The following FAF2 variants were observed in gnomAD, a reference collection of about 807,000 sequenced individuals.
FAF2 encodes Fas associated factor family member 2, also known as FAS-associated factor 2.
Under a neutral mutation model 62.3 loss-of-function variants are expected in FAF2, and 9 were observed. The ratio of observed to expected loss-of-function variants is 0.14; its 90% confidence interval spans 0.09 to 0.25. FAF2 has a LOEUF of 0.25. Ranked by LOEUF, FAF2 falls within the 10% of genes least tolerant of loss-of-function variation. FAF2 has a pLI of 1.00. For missense variants in FAF2, 368 were observed against 556.2 expected (o/e 0.66, Z 3.40); for synonymous variants, 202 against 198.0 (o/e 1.02, Z -0.17).
At position 176,507,383 on chromosome 5, in the gene FAF2, T is replaced by TA. The variant is rs1457074237; in HGVS notation, c.*433_*434insA. 2.2e-5 allele frequency: 10 copies of TA among 446,666 alleles called. No individual in the cohort carries two copies. The highest frequency in any genetic ancestry group is 7.2e-5 in the East Asian group (1 of 13,924). 27.7% of individuals were successfully genotyped at this position (446,666 alleles called of 1,614,324 possible). A position where few individuals can be genotyped will look rare whatever the true frequency, so the allele number is the denominator to read the frequency against. Reference sequence around the variant, plus strand: ...GCAGCATCTCCTGAGGACTTGCTTCTCCTGCCTCTGGGGAAGAGAGGGAAG... The same window carrying TA: ...GCAGCATCTCCTGAGGACTTGCTTCTACCTGCCTCTGGGGAAGAGAGGGAAG... On this transcript the variant is annotated 3_prime_UTR_variant, in exon 11 of 11. Transcript: ENST00000261942.
chr5:176,501,877 C>T (rs1410422363), intron 10 of FAF2, among the ~76,000 whole-genome samples: 5 of 152,122 alleles, frequency 3.3e-5, no homozygotes, highest in African/African-American at 1.2e-4. Context: ...CCTCAGCCTC[C>T]CGAGTAGCTG....
At chr5:176,453,657 C>T (rs1758224165) in intron 1 of FAF2, 1 of 152,072 alleles carries the variant, frequency 6.6e-6, no homozygotes, top group African/African-American at 2.4e-5. Context: ...AAAACAAGAG[C>T]TTTGAAAATC....
In FAF2 at chr5:176,507,313, T is replaced by G. The variant is rs1050058199; in HGVS notation, c.*363T>G. On this transcript the variant is annotated 3_prime_UTR_variant, in exon 11 of 11. Coordinates refer to ENST00000261942, the MANE Select transcript of FAF2 (RefSeq NM_014613.3). Reference sequence around the variant, plus strand: ...CCCACTAGTTCTCATTCATTCTTGCTTTTATGAAAAATAAAAGTGAAAAAC... The same window carrying G: ...CCCACTAGTTCTCATTCATTCTTGCGTTTATGAAAAATAAAAGTGAAAAAC... The G allele has an allele frequency of 2.2e-6, 1 of 454,182 alleles. No homozygotes were observed. Among genetic ancestry groups the G allele is most frequent in the Admixed American group, 2.4e-5 (1 of 42,236 alleles). The allele number at this position is 454,182 out of a possible 1,614,324, so 28.1% of individuals were successfully genotyped here. A position where few individuals can be genotyped will look rare whatever the true frequency, so the allele number is the denominator to read the frequency against.
chr5:176,506,700 T>TGTGTGC, intron 10 of FAF2, 68 bp from the exon 11 acceptor site: 1 of 1,008,342 alleles, frequency 9.9e-7, no homozygotes, highest in Admixed American at 2.4e-5. Flanking sequence ...TGTGTGTGCG[T>TGTGTGC]GTGTGCGTGT....
intron 10 of FAF2, among the ~76,000 whole-genome samples, chr5:176,500,728 A>G (rs1290336802): frequency 1.3e-5 from 2 of 152,230 alleles, no homozygotes; most frequent in Admixed American, 6.5e-5. Flanking sequence ...CAAGAGCCTC[A>G]CAGCATGAGG....
chr5:176,464,918 C>T (rs149419328), intron 1 of FAF2, among the ~76,000 whole-genome samples: 2 of 152,062 alleles, frequency 1.3e-5, no homozygotes, highest in African/African-American at 2.4e-5. Context: ...GACAGAGTCT[C>T]GCTGTATCGC....
At chr5:176,472,481 C>T (rs532428389) in intron 1 of FAF2, among the ~76,000 whole-genome samples, 2 of 152,048 alleles carry the variant, frequency 1.3e-5, no homozygotes, top group East Asian at 1.9e-4. Flanking sequence ...CAGGGTCTTG[C>T]TATGTTGTTC....
In FAF2 at chr5:176,448,394, G is replaced by A. The variant is rs1336474983; in HGVS notation, c.-14G>A. 5.0e-6 allele frequency: 8 copies of A among 1,602,842 alleles called. 1 individual carries two copies. Among genetic ancestry groups the A allele is most frequent in the African/African-American group, 2.7e-5 (2 of 74,816 alleles). On this transcript the variant is annotated 5_prime_UTR_variant, in exon 1 of 11. Transcript: ENST00000261942. Reference sequence around the variant, plus strand: ...ACGGTGCGGACGGGTCAGGAGCGTAGAGGCGGCGGCAAAATGGCGGCGCCT... The same window carrying A: ...ACGGTGCGGACGGGTCAGGAGCGTAAAGGCGGCGGCAAAATGGCGGCGCCT...
chr5:176,486,317 C>G, intron 2 of FAF2, 38 bp from the exon 3 acceptor site: 1 of 1,607,700 alleles, frequency 6.2e-7, no homozygotes. Flanking sequence ...TTGATTTGAG[C>G]ATCGCTGAAA....
At chr5:176,467,478 T>C (rs1431224522) in intron 1 of FAF2, among the ~76,000 whole-genome samples, 2 of 152,098 alleles carry the variant, frequency 1.3e-5, no homozygotes, top group East Asian at 3.9e-4. Context: ...ATTACAGGCA[T>C]GCACAACCAC....
chr5:176,479,173 C>T lies in FAF2; in HGVS notation c.64-15C>T. The T allele has an allele frequency of 6.2e-7, 1 of 1,612,542 alleles. No homozygotes were observed. The highest frequency in any genetic ancestry group is 1.1e-5 in the South Asian group (1 of 91,046). ...GGTTTTTCTCTAAGTAACTTGTTTT[C>T]ATCCTTCTTTTCAGGATCTCACTGG... On this transcript the variant is annotated splice_polypyrimidine_tract_variant and intron_variant, in intron 1 of 10. Coordinates refer to ENST00000261942, the MANE Select transcript of FAF2 (RefSeq NM_014613.3).
chr5:176,501,956 C>G (rs1755599331), intron 10 of FAF2, among the ~76,000 whole-genome samples: 1 of 152,034 alleles, frequency 6.6e-6, no homozygotes, highest in Admixed American at 6.5e-5. Context: ...GGGGTTTCAC[C>G]ATGTTGGTCA....
At chr5:176,504,775 G>A (rs1755648952) in intron 10 of FAF2, among the ~76,000 whole-genome samples, 1 of 152,076 alleles carries the variant, frequency 6.6e-6, no homozygotes, top group African/African-American at 2.4e-5. Flanking sequence ...TAGACAAGAG[G>A]AACATGGATT....
intron 1 of FAF2, among the ~76,000 whole-genome samples, chr5:176,457,945 G>A (rs548392367): frequency 6.6e-6 from 1 of 152,290 alleles, no homozygotes; most frequent in Admixed American, 6.5e-5. Flanking sequence ...CATTGCCACT[G>A]CCTCAGTTTA....
At chr5:176,480,982 T>G (rs1478423109) in intron 2 of FAF2, among the ~76,000 whole-genome samples, 6 of 151,986 alleles carry the variant, frequency 3.9e-5, no homozygotes, top group Admixed American at 3.9e-4. Context: ...AAATGACAAA[T>G]GAGATGAGCA....
chr5:176,476,993 T>TA (rs1758707218), intron 1 of FAF2, among the ~76,000 whole-genome samples: 1 of 151,402 alleles, frequency 6.6e-6, no homozygotes, highest in Non-Finnish European at 1.5e-5. Flanking sequence ...GTATTTTTAG[T>TA]GAGACGGGGT....
chr5:176,505,692 A>G lies in FAF2; in HGVS notation c.1156-1076A>G, dbSNP rs143311027. On this transcript the variant is annotated intron_variant, in intron 10 of 10. Coordinates refer to ENST00000261942, the MANE Select transcript of FAF2 (RefSeq NM_014613.3). ...TGCGTCCTCATAGCTTAGCTCCCAC[A>G]TATCAGTGAGGACATATAATGTTTG... Among the ~76,000 whole-genome samples, 1,233 of 152,286 alleles carry G rather than the reference A, an allele frequency of 8.1e-3. 19 individuals carry two copies. Among genetic ancestry groups the G allele is most frequent in the African/African-American group, 0.027 (1,131 of 41,552 alleles).
At chr5:176,484,184 T>C (rs111446754) in intron 2 of FAF2, among the ~76,000 whole-genome samples, 7 of 152,336 alleles carry the variant, frequency 4.6e-5, no homozygotes, top group African/African-American at 1.7e-4. Context: ...TTGGCATAGA[T>C]GTATAACAAT....
chr5:176,466,651 C>T (rs114030312), intron 1 of FAF2, among the ~76,000 whole-genome samples: 3 of 152,178 alleles, frequency 2.0e-5, no homozygotes, highest in Admixed American at 6.5e-5. Context: ...AGAGATAGAT[C>T]GGGATCACAG....
Sources: allele counts gnomAD v4.1 joint callset (sites outside exome capture counted in the v4.1 genomes callset), GRCh38; gene constraint gnomAD v4.1.1; transcripts MANE v1.5; gene names NCBI Gene and HGNC (gene_info 2026-07-23, HGNC 2026-07-21).